ZNF782: variants seen among roughly 807,000 people sequenced by gnomAD.
ZNF782 encodes zinc finger protein 782.
A neutral mutation model predicts 13.0 loss-of-function variants in ZNF782; 12 were observed. The observed-to-expected ratio is 0.92, with a 90% CI of 0.59 to 1.50. ZNF782 has a LOEUF of 1.50. Ranked by LOEUF, ZNF782 falls within the 40% of genes most tolerant of loss-of-function variation. The pLI is 0.00. For synonymous variants in ZNF782, 284 were observed against 283.0 expected (o/e 1.00, Z -0.04); for missense variants, 770 against 822.9 (o/e 0.94, Z 0.79).
At chr9:96,920,872 G>A in the ZNF782 span, among the ~76,000 whole-genome samples, 3 of 147,800 alleles carry the variant, frequency 2.0e-5, no homozygotes, top group South Asian at 4.2e-4. Context: ...CCAAGATCTC[G>A]CTACTGCACT....
At chr9:96,929,662 CAG>C in the ZNF782 span, among the ~76,000 whole-genome samples, 133 of 150,672 alleles carry the variant, frequency 8.8e-4, no homozygotes, top group Non-Finnish European at 1.7e-3. Flanking sequence ...TTTGATTTAA[CAG>C]GGGTGGGGGC....
chr9:96,857,428 C>T (rs143833668), upstream of ZNF782, among the ~76,000 whole-genome samples: 782 of 152,330 alleles, frequency 5.1e-3, 11 homozygotes, highest in African/African-American at 0.018. Flanking sequence ...GAATAAAAGG[C>T]ACTTACTTTC....
chr9:96,827,343 T>A (rs1402742366), intron 4 of ZNF782, among the ~76,000 whole-genome samples, 162 bp from the exon 5 acceptor site: 1 of 152,228 alleles, frequency 6.6e-6, no homozygotes, highest in Middle Eastern at 3.4e-3. Flanking sequence ...TCTTACTTTT[T>A]TTTTTAGAGA....
chr9:96,915,154 T>C, the ZNF782 span, among the ~76,000 whole-genome samples: 1 of 151,914 alleles, frequency 6.6e-6, no homozygotes, highest in Non-Finnish European at 1.5e-5. Flanking sequence ...AGGTATCCAA[T>C]ATAATAAATT....
the ZNF782 span, among the ~76,000 whole-genome samples, chr9:96,883,533 C>A: frequency 6.6e-6 from 1 of 151,978 alleles, no homozygotes; most frequent in Non-Finnish European, 1.5e-5. Context: ...ACTAAAGGGA[C>A]GGAGGAGAAT....
At chr9:96,879,495 T>G (rs148050562), upstream of ZNF782, among the ~76,000 whole-genome samples, 1,083 of 152,194 alleles carry the variant, frequency 7.1e-3, 15 homozygotes, top group African/African-American at 0.024. Flanking sequence ...AGAGCAAGAC[T>G]CCGTCTCAAA....
chr9:96,862,754 G>A (rs1302690034), intron 1 of ZNF782, among the ~76,000 whole-genome samples: 2 of 152,316 alleles, frequency 1.3e-5, no homozygotes, highest in African/African-American at 2.4e-5. Context: ...AGTTGAAGAA[G>A]CTAGTGTGCC....
chr9:96,851,084 C>A (rs73654610), intron 3 of ZNF782, among the ~76,000 whole-genome samples: 8,316 of 151,824 alleles, frequency 0.055, 507 homozygotes, highest in East Asian at 0.24. Context: ...TTTTATTTTT[C>A]TCTTGGTTTA....
chr9:96,840,418 T>G (rs1407709821), intron 4 of ZNF782, among the ~76,000 whole-genome samples: 1 of 152,032 alleles, frequency 6.6e-6, no homozygotes, highest in African/African-American at 2.4e-5. Flanking sequence ...AAATTTTCTT[T>G]GAAAAAGTAA....
intron 5 of ZNF782, among the ~76,000 whole-genome samples, chr9:96,823,930 A>G (rs536568397): frequency 2.6e-5 from 4 of 152,212 alleles, no homozygotes; most frequent in Non-Finnish European, 4.4e-5. Context: ...CCAACCAAAA[A>G]GAGTCCAGGA....
chr9:96,902,340 C>T, the ZNF782 span, among the ~76,000 whole-genome samples: 1 of 132,052 alleles, frequency 7.6e-6, no homozygotes, highest in Admixed American at 7.7e-5. Context: ...AGGAGAATTG[C>T]TTGAACCTGG....
chr9:96,925,703 TTCA>T, the ZNF782 span, among the ~76,000 whole-genome samples: 10 of 150,558 alleles, frequency 6.6e-5, no homozygotes, highest in African/African-American at 9.9e-5. Context: ...AGAACAAACT[TTCA>T]TCATCAGATC....
At chr9:96,896,831 T>C in the ZNF782 span, among the ~76,000 whole-genome samples, 4,031 of 152,306 alleles carry the variant, frequency 0.026, 201 homozygotes, top group African/African-American at 0.092. Context: ...ATAGGGATAC[T>C]ATCTGAAGCC....
the ZNF782 span, among the ~76,000 whole-genome samples, chr9:96,881,673 C>T: frequency 6.6e-6 from 1 of 152,034 alleles, no homozygotes; most frequent in Admixed American, 6.5e-5. Context: ...AAAGACTATC[C>T]TTCCCTTGCT....
chr9:96,873,425 T>TGTG (rs1478145877), intron 1 of ZNF782, among the ~76,000 whole-genome samples: 1 of 152,104 alleles, frequency 6.6e-6, no homozygotes, highest in Non-Finnish European at 1.5e-5. Flanking sequence ...CAGGGCCAGG[T>TGTG]GTGGTGGCTC....
At chr9:96,932,526 G>A in the ZNF782 span, 9 of 1,276,568 alleles carry the variant, frequency 7.1e-6, no homozygotes, top group Non-Finnish European at 1.0e-5. Context: ...GCGGTTGTGA[G>A]GGTGATGGGT....
chr9:96,893,679 C>T, the ZNF782 span: 4 of 150,930 alleles, frequency 2.7e-5, no homozygotes, highest in Non-Finnish European at 5.9e-5. Flanking sequence ...CACATATACA[C>T]CATGGAATAC....
chr9:96,903,555 G>GGTT, the ZNF782 span, among the ~76,000 whole-genome samples: 218 of 84,604 alleles, frequency 2.6e-3, 13 homozygotes, highest in African/African-American at 8.9e-3. Flanking sequence ...ATTTTATGTT[G>GGTT]GTTTTTTTTT....
the ZNF782 span, among the ~76,000 whole-genome samples, chr9:96,915,992 G>C: frequency 7.9e-5 from 12 of 151,038 alleles, no homozygotes; most frequent in Non-Finnish European, 1.5e-4. Context: ...CATTGGAGAA[G>C]TTTATACAGC....
Sources: allele counts gnomAD v4.1 joint callset (sites outside exome capture counted in the v4.1 genomes callset), GRCh38; gene constraint gnomAD v4.1.1; transcripts MANE v1.5; gene names NCBI Gene and HGNC (gene_info 2026-07-23, HGNC 2026-07-21).